MEGF6: variants seen among roughly 807,000 people sequenced by gnomAD.
MEGF6 encodes multiple epidermal growth factor-like domains protein 6.
MEGF6 carries 184 observed loss-of-function variants against 207.1 expected under a neutral mutation model. The observed-to-expected ratio is 0.89, with a 90% CI of 0.79 to 1.00. The LOEUF (loss-of-function observed/expected upper bound fraction) is 1.00. MEGF6 is among the 50% of genes least tolerant of loss of function. The pLI is 0.00. For synonymous variants in MEGF6, 1,038 were observed against 910.0 expected (o/e 1.14, Z -2.53); for missense variants, 2,282 against 2,202.9 (o/e 1.04, Z -0.72).
intron 1 of MEGF6, among the ~76,000 whole-genome samples, chr1:3,607,726 C>T (rs78038866): frequency 0.023 from 3,461 of 152,348 alleles, 61 homozygotes; most frequent in Non-Finnish European, 0.035. Context: ...GGCTGGATCC[C>T]GCCTCCCATC....
intron 4 of MEGF6, among the ~76,000 whole-genome samples, chr1:3,570,551 G>A (rs1557784065): frequency 6.6e-6 from 1 of 152,242 alleles, no homozygotes; most frequent in East Asian, 1.9e-4. Context: ...GAGAGTCAAG[G>A]AGGCATCTTC....
At chr1:3,603,119 C>T (rs78949361) in intron 1 of MEGF6, among the ~76,000 whole-genome samples, 1,566 of 152,316 alleles carry the variant, frequency 0.01, 36 homozygotes, top group African/African-American at 0.036. Flanking sequence ...TGAGTGTTTG[C>T]TCTTGGAGGA....
Position 3,509,163 on chromosome 1 carries a change from C to G in MEGF6, c.1440G>C (p.Glu480Asp), listed in dbSNP as rs199865596. 2.7e-4 allele frequency: 433 copies of G among 1,583,908 alleles called. No homozygotes were observed. Among genetic ancestry groups the G allele is most frequent in the Non-Finnish European group, 3.4e-4 (397 of 1,165,812 alleles). Reference sequence around the variant, plus strand: ...CGTCATCCTGGAAGAGTTGCGGCAGCTCGTCCTGGAGCACGGCAATGTGGG... The same window carrying G: ...CGTCATCCTGGAAGAGTTGCGGCAGGTCGTCCTGGAGCACGGCAATGTGGG... Reference protein sequence around the residue: ...PLPHIAVLQDELPQLFQDDDV... With the variant: ...PLPHIAVLQDDLPQLFQDDDV... The change falls in exon 12 of 37, where the codon GAG becomes GAC. Residue 480 changes from glutamate to aspartate, a missense_variant. By Grantham distance (45) the Glu-to-Asp change is conservative (BLOSUM62 2). Coordinates refer to ENST00000356575, the MANE Select transcript of MEGF6 (RefSeq NM_001409.4).
intron 26 of MEGF6, 125 bp downstream of exon 26, chr1:3,498,246 T>C (rs1326318467): frequency 3.2e-6 from 4 of 1,249,546 alleles, no homozygotes; most frequent in East Asian, 2.6e-5. Context: ...AGCTCTTGCA[T>C]TCACAGGACA....
intron 4 of MEGF6, among the ~76,000 whole-genome samples, chr1:3,579,231 C>T (rs998430923): frequency 6.6e-6 from 1 of 152,238 alleles, no homozygotes; most frequent in East Asian, 1.9e-4. Context: ...GAGGCTCTGC[C>T]GCTTTTCCCC....
chr1:3,607,730 T>C (rs1644271074), intron 1 of MEGF6, among the ~76,000 whole-genome samples: 1 of 152,182 alleles, frequency 6.6e-6, no homozygotes, highest in South Asian at 2.1e-4. Flanking sequence ...GGATCCCGCC[T>C]CCCATCTGGG....
rs893471274 is a variant in MEGF6 at position 3,498,443 on chromosome 1, C to A, written c.3280G>T (p.Gly1094Trp). 67 of 1,579,250 alleles carry A rather than the reference C, an allele frequency of 4.2e-5. No individual in the cohort carries two copies. Among genetic ancestry groups the A allele is most frequent in the Non-Finnish European group, 5.6e-5 (65 of 1,164,072 alleles). The change falls in exon 26 of 37, where the codon GGG (glycine) becomes TGG (tryptophan). Residue 1094 changes from glycine to tryptophan, a missense_variant. Gly to Trp is a radical substitution (Grantham distance 184, BLOSUM62 -2). Transcript: ENST00000356575. ...GCRHSGGCLN[G>W]GLCDPHTGRC... ...CCCGTGTGCGGGTCACACAGGCCCC[C>A]GTTGAGGCAACCGCCGCTGTGCCGG...
At chr1:3,501,137 C>A (rs1301848540) in intron 19 of MEGF6, 40 bp downstream of exon 19, 8 of 1,612,566 alleles carry the variant, frequency 5.0e-6, no homozygotes, top group Middle Eastern at 1.7e-4. Flanking sequence ...TGGCCACCTA[C>A]CCCAGGTCAA....
At chr1:3,617,464 C>T in the MEGF6 span, among the ~76,000 whole-genome samples, 18 of 152,000 alleles carry the variant, frequency 1.2e-4, no homozygotes, top group Non-Finnish European at 1.5e-5. Context: ...GAACAGCACT[C>T]GCTGGGGCCT....
intron 3 of MEGF6, among the ~76,000 whole-genome samples, chr1:3,589,788 T>G (rs1371281964): frequency 1.3e-5 from 2 of 152,238 alleles, no homozygotes; most frequent in East Asian, 3.8e-4. Flanking sequence ...CACTGTTTTA[T>G]CTCTGTGACT....
rs1350361131 is a variant in MEGF6 at position 3,565,828 on chromosome 1, C to A, written c.481+13997G>T. On this transcript the variant is annotated intron_variant, in intron 4 of 36. Transcript: ENST00000356575. The surrounding 1 kb of genome is among the most constrained non-coding windows in gnomAD (Gnocchi z 4.8). ...AGGTGCCTTCCAACTCTGCTCCAGCCACGCTCGGCATTCCGTCCAGGGCAG... is the reference window on the plus strand; with the variant it reads ...AGGTGCCTTCCAACTCTGCTCCAGCAACGCTCGGCATTCCGTCCAGGGCAG... 6.6e-6 allele frequency among the ~76,000 whole-genome samples: 1 copy of A among 152,160 alleles called. No homozygotes were observed. The highest frequency in any genetic ancestry group is 2.4e-5 in the African/African-American group (1 of 41,434).
At chr1:3,516,324 G>A (rs1641540571) in intron 5 of MEGF6, among the ~76,000 whole-genome samples, 1 of 152,248 alleles carries the variant, frequency 6.6e-6, no homozygotes. Flanking sequence ...CAGCCCCTCA[G>A]CGGGGGTTTG....
chr1:3,511,739 C>T (rs1641353640), intron 8 of MEGF6, 52 bp from the exon 9 acceptor site: 3 of 1,573,442 alleles, frequency 1.9e-6, no homozygotes, highest in African/African-American at 2.7e-5. Flanking sequence ...GGATGACCCC[C>T]ACCTACCTTA....
At chr1:3,605,920 G>A (rs1021849272) in intron 1 of MEGF6, among the ~76,000 whole-genome samples, 4 of 152,198 alleles carry the variant, frequency 2.6e-5, no homozygotes, top group Non-Finnish European at 4.4e-5. Context: ...TTGGCTCCAC[G>A]GTGGCACCCC....
At chr1:3,574,323 C>T (rs1643584514) in intron 4 of MEGF6, among the ~76,000 whole-genome samples, 1 of 152,056 alleles carries the variant, frequency 6.6e-6, no homozygotes, top group Non-Finnish European at 1.5e-5. Context: ...ACCTCAGGGC[C>T]AAAATGACTT....
At chr1:3,616,954 G>A in the MEGF6 span, among the ~76,000 whole-genome samples, 1 of 152,234 alleles carries the variant, frequency 6.6e-6, no homozygotes, top group Non-Finnish European at 1.5e-5. Context: ...TTCCTGCTCA[G>A]CGTTTGAACC....
intron 3 of MEGF6, among the ~76,000 whole-genome samples, chr1:3,582,631 T>C (rs1487798808): frequency 6.6e-6 from 1 of 152,180 alleles, no homozygotes; most frequent in African/African-American, 2.4e-5. Flanking sequence ...TGGCTTTCCA[T>C]TGACTTGGCA....
intron 4 of MEGF6, among the ~76,000 whole-genome samples, chr1:3,549,032 T>G (rs534083366): frequency 4.3e-4 from 65 of 152,280 alleles, no homozygotes; most frequent in African/African-American, 1.5e-3. Flanking sequence ...CCATGCTGGC[T>G]GGGACCCCGC....
At position 3,498,577 on chromosome 1, in the gene MEGF6, C is replaced by T. The variant is rs534926348; in HGVS notation, c.3224-78G>A. 143 of 1,489,694 alleles carry T rather than the reference C, an allele frequency of 9.6e-5. 1 individual carries two copies. Among genetic ancestry groups the T allele is most frequent in the Middle Eastern group, 1.8e-4 (1 of 5,632 alleles). 92.3% of individuals were successfully genotyped at this position (1,489,694 alleles called of 1,614,324 possible). A position where few individuals can be genotyped will look rare whatever the true frequency, so the allele number is the denominator to read the frequency against. On this transcript the variant is annotated intron_variant, in intron 25 of 36. Transcript: ENST00000356575. Reference sequence around the variant, plus strand: ...GAGACCCTGACCCATGCTTCCTGCACGCAGAGCTGAAGCCTACACCCCAGG... The same window carrying T: ...GAGACCCTGACCCATGCTTCCTGCATGCAGAGCTGAAGCCTACACCCCAGG...
Sources: allele counts gnomAD v4.1 joint callset (sites outside exome capture counted in the v4.1 genomes callset), GRCh38; gene constraint gnomAD v4.1.1; non-coding constraint Gnocchi (gnomAD v3.1); transcripts MANE v1.5; gene names NCBI Gene and HGNC (gene_info 2026-07-23, HGNC 2026-07-21).